The following ANK3 variants were observed in gnomAD, a reference collection of about 807,000 sequenced individuals.
ANK3 encodes ankyrin 3, also known as ankyrin-3.
ANK3 carries 57 observed loss-of-function variants against 370.9 expected under a neutral mutation model. The ratio of observed to expected loss-of-function variants is 0.15; its 90% confidence interval spans 0.12 to 0.19. ANK3 has a LOEUF of 0.19. Ranked by LOEUF, ANK3 falls within the 10% of genes least tolerant of loss-of-function variation. The pLI is 1.00. For missense variants in ANK3, 4,439 were observed against 5,302.1 expected (o/e 0.84, Z 5.06); for synonymous variants, 1,929 against 1,946.3 (o/e 0.99, Z 0.23).
intron 2 of ANK3, among the ~76,000 whole-genome samples, chr10:60,500,972 A>AACCATAT (rs2075780978): frequency 6.6e-6 from 1 of 152,208 alleles, no homozygotes; most frequent in Admixed American, 6.5e-5. Flanking sequence ...TATGCAAGCA[A>AACCATAT]ACCATATAAA....
At position 60,207,721 on chromosome 10, in the gene ANK3, A is replaced by T. The variant is rs551581895; in HGVS notation, c.1194+315T>A. Among the ~76,000 whole-genome samples, 155 of 152,302 alleles carry T rather than the reference A, an allele frequency of 1.0e-3. 1 individual carries two copies. The highest frequency in any genetic ancestry group is 3.3e-3 in the African/African-American group (137 of 41,558). Reference sequence around the variant, plus strand: ...AGATCTCAGAATAAACTTTTAATTCACAGAATTATAAGTTTATCCACAATA... The same window carrying T: ...AGATCTCAGAATAAACTTTTAATTCTCAGAATTATAAGTTTATCCACAATA... On this transcript the variant is annotated intron_variant, in intron 10 of 43. Coordinates refer to ENST00000280772, the MANE Select transcript of ANK3 (RefSeq NM_020987.5).
chr10:60,076,027 A>C lies in ANK3; in HGVS notation c.4854T>G (p.Ser1618=). ...CTGGAGAGGTTCGAGAGGAAAACGT[A>C]GAATTGGATGCCAGCCCTTTTAAGG... ...ATPLKGLASN[S]TFSSRTSPVT... is the part of the protein sequence containing the mutation. The change falls in exon 37 of 44, where the codon TCT becomes TCG. Residue 1618 remains serine, a synonymous_variant. Transcript: ENST00000280772. 6.2e-7 allele frequency: 1 copy of C among 1,614,212 alleles called. No individual in the cohort carries two copies. Among genetic ancestry groups the C allele is most frequent in the East Asian group, 2.2e-5 (1 of 44,882 alleles).
chr10:60,148,232 G>GTT (rs977024869), intron 23 of ANK3, among the ~76,000 whole-genome samples: 26 of 148,028 alleles, frequency 1.8e-4, no homozygotes, highest in African/African-American at 5.9e-4. Flanking sequence ...TGCTTAAGCT[G>GTT]TTTTTTTTTT....
chr10:60,397,527 C>T (rs552952488), intron 2 of ANK3, among the ~76,000 whole-genome samples: 10 of 152,220 alleles, frequency 6.6e-5, no homozygotes, highest in Admixed American at 2.0e-4. Context: ...AACATTAACA[C>T]GCAAACACAG....
In ANK3 at chr10:60,498,342, C is replaced by T. The variant is rs560019183; in HGVS notation, c.96+116844G>A. On this transcript the variant is annotated intron_variant, in intron 2 of 43. Coordinates refer to the ANK3 transcript ENST00000373827. ...GTTTATTGAAGAGAATACCACAAAA[C>T]TTCAAGCTTGAAGTTAGCTTATTTT... is the stretch of plus-strand genomic sequence containing the variant. 2.6e-5 allele frequency among the ~76,000 whole-genome samples: 4 copies of T among 152,292 alleles called. No homozygotes were observed. The South Asian group carries it at 8.3e-4, about 32-fold the overall frequency.
At chr10:60,314,152 A>G (rs2046946191) in intron 1 of ANK3, among the ~76,000 whole-genome samples, 1 of 152,220 alleles carries the variant, frequency 6.6e-6, no homozygotes, top group Non-Finnish European at 1.5e-5. Context: ...ATCAAGTTAA[A>G]AAGCAAAAAT....
chr10:60,120,124 A>C (rs2093374138), intron 25 of ANK3, among the ~76,000 whole-genome samples: 1 of 152,190 alleles, frequency 6.6e-6, no homozygotes, highest in Non-Finnish European at 1.5e-5. Flanking sequence ...CACATAGATC[A>C]GTGGAACACA....
intron 8 of ANK3, among the ~76,000 whole-genome samples, chr10:60,227,549 G>C (rs1481023798): frequency 2.0e-5 from 3 of 152,076 alleles, no homozygotes; most frequent in African/African-American, 7.2e-5. Flanking sequence ...ACATTGTATA[G>C]ATTTAGTCGA....
chr10:60,612,375 C>T (rs1036903629), intron 2 of ANK3, among the ~76,000 whole-genome samples: 1 of 152,092 alleles, frequency 6.6e-6, no homozygotes, highest in Admixed American at 6.5e-5. Flanking sequence ...AAGAGATGCT[C>T]CCAAGATACC....
At chr10:60,395,413 C>T (rs945567531) in intron 2 of ANK3, among the ~76,000 whole-genome samples, 35 of 152,110 alleles carry the variant, frequency 2.3e-4, no homozygotes, top group African/African-American at 8.2e-4. Context: ...CACTCCATTC[C>T]TACTCGACAG....
intron 1 of ANK3, among the ~76,000 whole-genome samples, chr10:60,321,322 A>G (rs910750112): frequency 6.6e-6 from 1 of 152,008 alleles, no homozygotes; most frequent in Non-Finnish European, 1.5e-5. Context: ...TGGCCGCTCA[A>G]GGCTACACAG....
At chr10:60,477,512 G>GACACACAC (rs1207419565) in intron 2 of ANK3, among the ~76,000 whole-genome samples, 1 of 115,426 alleles carries the variant, frequency 8.7e-6, no homozygotes, top group Non-Finnish European at 1.8e-5. Context: ...CAGACAGACA[G>GACACACAC]ACATACACAC....
At chr10:60,383,261 G>GAAC (rs989703983) in intron 1 of ANK3, among the ~76,000 whole-genome samples, 1 of 152,098 alleles carries the variant, frequency 6.6e-6, no homozygotes, top group African/African-American at 2.4e-5. Context: ...TGTACATTCT[G>GAAC]AACAACAACA....
At chr10:60,649,611 G>T (rs180704178) in intron 1 of ANK3, among the ~76,000 whole-genome samples, 2 of 152,186 alleles carry the variant, frequency 1.3e-5, no homozygotes, top group Non-Finnish European at 2.9e-5. Flanking sequence ...TTGAGTAGGC[G>T]GTTGTTTTCT....
At chr10:60,526,114 C>T (rs1293477472) in intron 2 of ANK3, among the ~76,000 whole-genome samples, 4 of 152,100 alleles carry the variant, frequency 2.6e-5, no homozygotes, top group Admixed American at 1.3e-4. Flanking sequence ...AAAGAATTCC[C>T]CATCCTAATG....
At chr10:60,314,666 T>C (rs1419469459) in intron 1 of ANK3, among the ~76,000 whole-genome samples, 4 of 151,948 alleles carry the variant, frequency 2.6e-5, no homozygotes, top group Non-Finnish European at 5.9e-5. Context: ...ATGGGGAAAA[T>C]TTTATGCAGA....
chr10:60,038,969 GAC>G (rs1384982434), intron 43 of ANK3, among the ~76,000 whole-genome samples: 2 of 152,136 alleles, frequency 1.3e-5, no homozygotes, highest in Admixed American at 6.6e-5. Flanking sequence ...ATTTCAGAGA[GAC>G]CTTCCCTAGC....
At chr10:60,109,301 T>C (rs11599447) in intron 26 of ANK3, among the ~76,000 whole-genome samples, 7,237 of 152,220 alleles carry the variant, frequency 0.048, 208 homozygotes, top group Non-Finnish European at 0.058. Context: ...CCAACTACTT[T>C]ACCAGGCTCA....
chr10:60,180,818 T>G (rs1386213965), intron 18 of ANK3, among the ~76,000 whole-genome samples: 1 of 152,136 alleles, frequency 6.6e-6, no homozygotes, highest in Non-Finnish European at 1.5e-5. Flanking sequence ...TTTTTTTTCT[T>G]TTTGAAATGA....
Sources: gnomAD v4.1 joint callset for allele counts (sites outside exome capture counted in the v4.1 genomes callset) on GRCh38, gnomAD v4.1.1 for gene constraint, MANE v1.5 for transcripts, NCBI Gene and HGNC (gene_info 2026-07-23, HGNC 2026-07-21) for gene names.